Variants in ADCY10 observed in about 807,000 individuals in gnomAD.
The protein encoded by ADCY10 is adenylate cyclase type 10.
ADCY10 carries 156 observed loss-of-function variants against 183.3 expected under a neutral mutation model. The ratio of observed to expected loss-of-function variants is 0.85; its 90% CI spans 0.75 to 0.97. The LOEUF is 0.97. ADCY10 is among the 50% of genes least tolerant of loss of function. The pLI, the probability that ADCY10 is intolerant of heterozygous loss-of-function variation, is 0.00. For synonymous variants in ADCY10, 645 were observed against 670.0 expected (o/e 0.96, Z 0.58); for missense variants, 1,745 against 1,934.3 (o/e 0.90, Z 1.84).
chr1:167,901,922 C>T lies in ADCY10; in HGVS notation c.292+94G>A, dbSNP rs949394944. 5 of 1,605,826 alleles carry T rather than the reference C, an allele frequency of 3.1e-6. No individual in the cohort carries two copies. The South Asian group carries it at 4.4e-5, about 14-fold the overall frequency. On this transcript the variant is annotated intron_variant, in intron 4 of 32. Transcript: ENST00000367851. ...TTCCTCAGCCTATCTCCTGGCCACT[C>T]CCTTCTCTAGGATGCCTCCTTTGTC... is the stretch of plus-strand genomic sequence containing the variant.
At chr1:167,848,255 T>C in intron 19 of ADCY10, 106 bp downstream of exon 19, 8 of 883,764 alleles carry the variant, frequency 9.1e-6, no homozygotes, top group Non-Finnish European at 1.5e-5. Flanking sequence ...TTCACCATAT[T>C]GGCCAGGCTG....
chr1:167,813,294 T>A (rs776764795), intron 31 of ADCY10, among the ~76,000 whole-genome samples: 1 of 151,994 alleles, frequency 6.6e-6, no homozygotes, highest in Non-Finnish European at 1.5e-5. Context: ...AATAAGATCA[T>A]GAGCAGATTT....
At position 167,833,701 on chromosome 1, in the gene ADCY10, C is replaced by T. The variant is rs192946155; in HGVS notation, c.3417+269G>A. Among the ~76,000 whole-genome samples, 605 of 149,684 alleles carry T rather than the reference C, an allele frequency of 4.0e-3. 1 individual carries two copies. The highest frequency in any genetic ancestry group is 0.014 in the African/African-American group (546 of 40,410). ...CGGAATTTGCAGAGAGCCGATATCA[C>T]GCCACTGTATTCCAGGCTGGGCAAC... On this transcript the variant is annotated intron_variant, in intron 24 of 32. Transcript: ENST00000367851.
intron 8 of ADCY10, among the ~76,000 whole-genome samples, chr1:167,891,383 G>A (rs1383551121): frequency 2.0e-5 from 3 of 151,828 alleles, no homozygotes; most frequent in Admixed American, 6.6e-5. Flanking sequence ...TGGGTCGGGC[G>A]CAGTGGCTCA....
intron 1 of ADCY10, among the ~76,000 whole-genome samples, chr1:167,910,186 A>C (rs552958910): frequency 3.3e-5 from 5 of 152,228 alleles, no homozygotes; most frequent in African/African-American, 1.2e-4. Flanking sequence ...TCCTGCTACA[A>C]TGGTATCTGT....
At chr1:167,841,502 C>CTTTTTTTTTTTTTTTTTTTT (rs71100905) in intron 21 of ADCY10, among the ~76,000 whole-genome samples, 1 of 90,902 alleles carries the variant, frequency 1.1e-5, no homozygotes, top group African/African-American at 6.3e-5. Context: ...ATATGCTTTC[C>CTTTTTTTTTTTTTTTTTTTT]TTTTTTTTTT....
intron 21 of ADCY10, among the ~76,000 whole-genome samples, chr1:167,840,439 C>T (rs1233965764): frequency 6.6e-6 from 1 of 151,646 alleles, no homozygotes; most frequent in Non-Finnish European, 1.5e-5. Context: ...TCACTGCAAC[C>T]TCTGCCTCCT....
At chr1:167,840,015 T>C (rs1029408827) in intron 21 of ADCY10, among the ~76,000 whole-genome samples, 5 of 150,218 alleles carry the variant, frequency 3.3e-5, no homozygotes, top group African/African-American at 1.2e-4. Flanking sequence ...AGTCCAGGAG[T>C]TTGAGACTAG....
Position 167,818,695 on chromosome 1 carries a change from G to A in ADCY10, c.4287-428C>T, listed in dbSNP as rs1240812004. ...TGGGACTACAGGTGTGTACCACCACGCCCAGCTAATTTTTTGTATTTTAAG... is the reference window on the plus strand; with the variant it reads ...TGGGACTACAGGTGTGTACCACCACACCCAGCTAATTTTTTGTATTTTAAG... On this transcript the variant is annotated intron_variant, in intron 30 of 32. Transcript: ENST00000367851. Among the ~76,000 whole-genome samples the A allele has an allele frequency of 5.3e-5, 8 of 152,126 alleles. 1 individual carries two copies. The highest frequency in any genetic ancestry group is 1.9e-4 in the East Asian group (1 of 5,178).
chr1:167,842,161 A>G (rs1664698280), intron 21 of ADCY10, among the ~76,000 whole-genome samples: 1 of 152,096 alleles, frequency 6.6e-6, no homozygotes, highest in African/African-American at 2.4e-5. Flanking sequence ...ATCTCCTCCA[A>G]TTATGTCTTT....
At chr1:167,880,328 G>C in intron 10 of ADCY10, 137 bp from the exon 11 acceptor site, 1 of 998,168 alleles carries the variant, frequency 1.0e-6, no homozygotes, top group South Asian at 1.3e-5. Context: ...ATTAGTTTAT[G>C]GCATTTCTAC....
chr1:167,815,452 C>A (rs1206344902), intron 31 of ADCY10, among the ~76,000 whole-genome samples: 1 of 152,104 alleles, frequency 6.6e-6, no homozygotes, highest in Non-Finnish European at 1.5e-5. Flanking sequence ...TTATGTCCCA[C>A]CTAAGGAAGA....
At chr1:167,865,820 C>T (rs1303917491) in intron 14 of ADCY10, among the ~76,000 whole-genome samples, 1 of 152,186 alleles carries the variant, frequency 6.6e-6, no homozygotes, top group Admixed American at 6.5e-5. Flanking sequence ...GCCAGAGGCC[C>T]TCATTGTCCC....
intron 12 of ADCY10, among the ~76,000 whole-genome samples, chr1:167,877,386 C>T (rs1165675982): frequency 6.6e-6 from 1 of 151,542 alleles, no homozygotes; most frequent in Non-Finnish European, 1.5e-5. Flanking sequence ...CAGTGCTAAG[C>T]CTCAGGAATA....
chr1:167,911,376 C>A (rs1221918868), intron 1 of ADCY10, among the ~76,000 whole-genome samples: 3 of 152,192 alleles, frequency 2.0e-5, no homozygotes, highest in Non-Finnish European at 4.4e-5. Flanking sequence ...TTCTTGGCTC[C>A]CACAATGTAG....
intron 1 of ADCY10, among the ~76,000 whole-genome samples, chr1:167,906,050 T>C (rs548986364): frequency 5.9e-5 from 9 of 152,294 alleles, no homozygotes; most frequent in Non-Finnish European, 8.8e-5. Flanking sequence ...TTATTTTTGG[T>C]TTAATTCTGA....
At chr1:167,828,837 C>T (rs1199936644) in intron 26 of ADCY10, among the ~76,000 whole-genome samples, 1 of 152,038 alleles carries the variant, frequency 6.6e-6, no homozygotes, top group Non-Finnish European at 1.5e-5. Context: ...TGGCGCATGC[C>T]TGTAGTCCCA....
In ADCY10 at chr1:167,810,838, C is replaced by T. The variant is rs144839993; in HGVS notation, c.4558G>A (p.Val1520Ile). The T allele has an allele frequency of 2.5e-4, 406 of 1,614,008 alleles. 1 individual carries two copies. Among genetic ancestry groups the T allele is most frequent in the Non-Finnish European group, 3.1e-4 (368 of 1,180,022 alleles). ...CPRLYHLMAYVCILMGDGQKC... is the reference protein window; with the variant it reads ...CPRLYHLMAYICILMGDGQKC... Reference sequence around the variant, plus strand: ...TGCCCATCTCCCATTAATATACAGACGTAAGCCATCAGGTGGTAGAGCCTT... The same window carrying T: ...TGCCCATCTCCCATTAATATACAGATGTAAGCCATCAGGTGGTAGAGCCTT... Residue 1520 changes from valine (V) to isoleucine (I), a missense_variant, in exon 32 of 33, where the codon GTC (valine) becomes ATC (isoleucine). Physicochemically the swap from Val to Ile is conservative, Grantham distance 29 (BLOSUM62 3). Coordinates refer to ENST00000367851, the MANE Select transcript of ADCY10 (RefSeq NM_018417.6).
intron 18 of ADCY10, among the ~76,000 whole-genome samples, chr1:167,852,459 T>C (rs1390481136): frequency 6.6e-6 from 1 of 151,872 alleles, no homozygotes; most frequent in East Asian, 1.9e-4. Flanking sequence ...AAAAAGCTCA[T>C]AACGGATACT....
Sources: allele counts gnomAD v4.1 joint callset (sites outside exome capture counted in the v4.1 genomes callset), GRCh38; gene constraint gnomAD v4.1.1; transcripts MANE v1.5; gene names NCBI Gene and HGNC (gene_info 2026-07-23, HGNC 2026-07-21).